The following CNDP2 variants were observed in gnomAD, a reference collection of about 807,000 sequenced individuals.
CNDP2 encodes the protein carnosine dipeptidase 2.
Under a neutral mutation model 55.0 loss-of-function variants are expected in CNDP2, and 38 were observed. The observed-to-expected ratio is 0.69, with a 90% CI of 0.53 to 0.90. The LOEUF (loss-of-function observed/expected upper bound fraction) is 0.90. CNDP2 is among the 40% of genes least tolerant of loss of function. CNDP2 has a pLI of 0.00. For missense variants in CNDP2, 607 were observed against 621.7 expected (o/e 0.98, Z 0.25); for synonymous variants, 241 against 260.2 (o/e 0.93, Z 0.71).
At chr18:74,516,512 C>G in intron 9 of CNDP2, 120 bp downstream of exon 9, 1 of 958,548 alleles carries the variant, frequency 1.0e-6, no homozygotes, top group Non-Finnish European at 1.5e-6. Flanking sequence ...CTTCCTGGCT[C>G]TGGCCAAGTC....
At chr18:74,506,597 G>T (rs991423393) in intron 4 of CNDP2, among the ~76,000 whole-genome samples, 5 of 152,168 alleles carry the variant, frequency 3.3e-5, no homozygotes, top group Non-Finnish European at 7.3e-5. Context: ...TGCACATTTG[G>T]AATCCAGGCA....
At chr18:74,503,197 A>G (rs1234858549) in intron 3 of CNDP2, among the ~76,000 whole-genome samples, 1 of 152,182 alleles carries the variant, frequency 6.6e-6, no homozygotes, top group Non-Finnish European at 1.5e-5. Flanking sequence ...TTCTTAAGAA[A>G]GGGCCTTTCA....
chr18:74,518,424 A>AC, intron 9 of CNDP2, 75 bp from the exon 10 acceptor site: 1 of 1,569,320 alleles, frequency 6.4e-7, no homozygotes, highest in Non-Finnish European at 8.7e-7. Flanking sequence ...ATGATAGCAG[A>AC]CCCGTAGGTC....
At chr18:74,519,952 T>C in intron 11 of CNDP2, 47 bp from the exon 12 acceptor site, 4 of 1,576,318 alleles carry the variant, frequency 2.5e-6, no homozygotes, top group Non-Finnish European at 3.5e-6. Context: ...CACCTGGGTG[T>C]TGGCTCACGA....
intron 3 of CNDP2, among the ~76,000 whole-genome samples, chr18:74,502,378 C>T (rs1978753480): frequency 6.6e-6 from 1 of 152,098 alleles, no homozygotes; most frequent in Non-Finnish European, 1.5e-5. Flanking sequence ...TAGTTTTGTT[C>T]ACTTAAAGTC....
rs146950923 is a variant in CNDP2, at chr18:74,502,809, C to T, written c.204+1337C>T. On this transcript the variant is annotated intron_variant, in intron 3 of 11. Coordinates refer to ENST00000324262, the MANE Select transcript of CNDP2 (RefSeq NM_018235.3). Reference sequence around the variant, plus strand: ...GTGTGGCCATTCAGTTCAGCGCATTCGTTTCATCAGAGGGAGAGAGTGGAG... The same window carrying T: ...GTGTGGCCATTCAGTTCAGCGCATTTGTTTCATCAGAGGGAGAGAGTGGAG... 3.6e-3 allele frequency among the ~76,000 whole-genome samples: 544 copies of T among 152,222 alleles called. 2 individuals are homozygous for T. The highest frequency in any genetic ancestry group is 6.3e-3 in the Non-Finnish European group (430 of 68,012).
chr18:74,509,979 C>T (rs1254512926), intron 5 of CNDP2, among the ~76,000 whole-genome samples: 1 of 152,200 alleles, frequency 6.6e-6, no homozygotes, highest in East Asian at 1.9e-4. Context: ...CTGGTGCGGC[C>T]GAGCCTGCAT....
intron 8 of CNDP2, 185 bp downstream of exon 8, chr18:74,513,904 C>T: frequency 5.1e-6 from 3 of 590,062 alleles, no homozygotes; most frequent in Non-Finnish European, 8.6e-6. Flanking sequence ...TTTTTAGTTT[C>T]AAAATCTACT....
At chr18:74,518,710 G>T (rs562729027) in intron 10 of CNDP2, 70 bp downstream of exon 10, 4 of 1,591,468 alleles carry the variant, frequency 2.5e-6, no homozygotes, top group Non-Finnish European at 3.4e-6. Flanking sequence ...CTGCTATATC[G>T]CGTGGGCGTG....
intron 6 of CNDP2, chr18:74,512,227 C>T (rs549116613): frequency 9.7e-6 from 5 of 513,786 alleles, no homozygotes; most frequent in Admixed American, 3.5e-5. Flanking sequence ...CTAGTGTTAC[C>T]GTCTTATCTG....
chr18:74,501,185 T>G (rs1211900112), intron 2 of CNDP2, 144 bp from the exon 3 acceptor site: 10 of 1,412,688 alleles, frequency 7.1e-6, no homozygotes, highest in Non-Finnish European at 9.2e-6. Flanking sequence ...AAAGCACACG[T>G]GATGGGTCTG....
chr18:74,499,764 A>G (rs1360419996), intron 1 of CNDP2, 118 bp from the exon 2 acceptor site: 3 of 447,480 alleles, frequency 6.7e-6, no homozygotes, highest in Non-Finnish European at 1.2e-5. Context: ...ACTGGTTCCC[A>G]AAGTTTTTGT....
chr18:74,516,348 A>G lies in CNDP2; in HGVS notation c.1024A>G (p.Ile342Val). 6.2e-7 allele frequency: 1 copy of G among 1,613,970 alleles called. No homozygotes were observed. The highest frequency in any genetic ancestry group is 8.5e-7 in the Non-Finnish European group (1 of 1,179,930). ...CAGGAAGGTGGTTGGCAAGTTCTCCATCAGGCTCGTGCCGAACATGACTCC... is the reference window on the plus strand; with the variant it reads ...CAGGAAGGTGGTTGGCAAGTTCTCCGTCAGGCTCGTGCCGAACATGACTCC... The part of the protein sequence containing the change: ...IPRKVVGKFS[I>V]RLVPNMTPEV... The change falls in exon 9 of 12, where the codon ATC becomes GTC. Residue 342 changes from isoleucine to valine, a missense_variant. Transcript: ENST00000324262.
chr18:74,521,090 A>C lies in CNDP2; in HGVS notation c.*1022A>C, dbSNP rs1380797153. ...GAAGGATGATTTTGTCTCAGTTTGT[A>C]CTCCTAAATAAAAAGTAAACATGAC... is the stretch of plus-strand genomic sequence containing the variant. On this transcript the variant is annotated 3_prime_UTR_variant, in exon 12 of 12. Coordinates refer to ENST00000324262, the MANE Select transcript of CNDP2 (RefSeq NM_018235.3). 6.6e-6 allele frequency: 1 copy of C among 152,120 alleles called. No individual in the cohort carries two copies. The highest frequency in any genetic ancestry group is 1.5e-5 in the Non-Finnish European group (1 of 68,028). The allele number at this position is 152,120 out of a possible 1,614,324, so 9.4% of individuals were successfully genotyped here. A position where few individuals can be genotyped will look rare whatever the true frequency, so the allele number is the denominator to read the frequency against.
At chr18:74,513,757 C>T (rs1203480903) in intron 8 of CNDP2, 38 bp downstream of exon 8, 1 of 1,596,196 alleles carries the variant, frequency 6.3e-7, no homozygotes, top group Admixed American at 1.7e-5. Context: ...CTGCCCAGGC[C>T]ACGCTGTGAC....
At chr18:74,501,230 C>T in intron 2 of CNDP2, 99 bp from the exon 3 acceptor site, 1 of 1,496,978 alleles carries the variant, frequency 6.7e-7, no homozygotes, top group Non-Finnish European at 8.9e-7. Flanking sequence ...ACTGCAGCAG[C>T]CACAGAGGGT....
intron 1 of CNDP2, among the ~76,000 whole-genome samples, chr18:74,498,254 C>A (rs906109531): frequency 1.3e-5 from 2 of 152,112 alleles, no homozygotes; most frequent in Non-Finnish European, 2.9e-5. Flanking sequence ...GGTACAGCCT[C>A]CTACATACCT....
Position 74,500,005 on chromosome 18 carries a change from T to G in CNDP2, c.32T>G (p.Ile11Arg), listed in dbSNP as rs1416940054. The change falls in exon 2 of 12, where the codon ATA becomes AGA. Residue 11 changes from isoleucine (I) to arginine (R), a missense_variant. By Grantham distance (97) the Ile-to-Arg change is moderately conservative (BLOSUM62 -3). Transcript: ENST00000324262. ...GCCCTCACTACCCTGTTTAAGTACA[T>G]AGATGAAAATCAGGATCGCTACATT... is the stretch of plus-strand genomic sequence containing the variant. Reference protein sequence around the residue: MAALTTLFKYIDENQDRYIKK... With the variant: MAALTTLFKYRDENQDRYIKK... The G allele has an allele frequency of 6.2e-7, 1 of 1,614,096 alleles. No homozygotes were observed. The highest frequency in any genetic ancestry group is 8.5e-7 in the Non-Finnish European group (1 of 1,179,980).
intron 4 of CNDP2, among the ~76,000 whole-genome samples, chr18:74,506,641 C>G (rs1979042046): frequency 6.6e-6 from 1 of 152,204 alleles, no homozygotes; most frequent in South Asian, 2.1e-4. Flanking sequence ...CCTTGTCCCC[C>G]TCCCCGGCCC....
Sources: gnomAD v4.1 joint callset for allele counts (sites outside exome capture counted in the v4.1 genomes callset) on GRCh38, gnomAD v4.1.1 for gene constraint, MANE v1.5 for transcripts, NCBI Gene and HGNC (gene_info 2026-07-23, HGNC 2026-07-21) for gene names.